ELN: variants seen among roughly 807,000 people sequenced by gnomAD.
ELN encodes elastin.
A neutral mutation model predicts 105.8 loss-of-function variants in ELN; 65 were observed. The observed-to-expected ratio is 0.61, with a 90% confidence interval of 0.50 to 0.75. ELN has a LOEUF of 0.75. Among genes scored for constraint, ELN ranks in the 30% least tolerant of loss-of-function variants. ELN has a pLI of 0.00. For missense variants in ELN, 882 were observed against 969.4 expected (o/e 0.91, Z 1.20); for synonymous variants, 368 against 389.2 (o/e 0.95, Z 0.64).
chr7:74,061,153 A>G lies in ELN; in HGVS notation c.1786+14A>G. ...CAGCCAAATATGGTGAGTGCACCCC[A>G]CAACCACTTGTGGCTCCCTTGCCAC... On this transcript the variant is annotated intron_variant, in intron 26 of 32. Transcript: ENST00000252034. The G allele has an allele frequency of 6.2e-7, 1 of 1,614,088 alleles. No homozygotes were observed. Among genetic ancestry groups the G allele is most frequent in the South Asian group, 1.1e-5 (1 of 91,084 alleles).
intron 22 of ELN, among the ~76,000 whole-genome samples, chr7:74,058,135 TTCC>T (rs1554681544): frequency 6.6e-6 from 1 of 150,838 alleles, no homozygotes; most frequent in African/African-American, 2.4e-5. Context: ...CTTCTTCTCC[TTCC>T]TCTTCTTCTC....
chr7:74,060,320 C>T (rs1796359358), intron 24 of ELN, 56 bp from the exon 25 acceptor site: 6 of 1,614,128 alleles, frequency 3.7e-6, no homozygotes, highest in Non-Finnish European at 5.1e-6. Flanking sequence ...GGGCAGGACA[C>T]CTCCTTAGGG....
At position 74,043,144 on chromosome 7, in the gene ELN, G is replaced by C; in HGVS notation, c.403G>C (p.Gly135Arg). 6.2e-7 allele frequency: 1 copy of C among 1,608,922 alleles called. No individual in the cohort carries two copies. Among genetic ancestry groups the C allele is most frequent in the Non-Finnish European group, 8.5e-7 (1 of 1,177,448 alleles). ...AGAVVPQPGAGVKPGKVPGVG... is the reference protein window; with the variant it reads ...AGAVVPQPGARVKPGKVPGVG... ...TGCGGTGGTTCCTCAGCCTGGAGCC[G>C]GAGTGAAGCCTGGGAAAGTGCCGGG... is the stretch of plus-strand genomic sequence containing the variant. The change falls in exon 8 of 33, where the codon GGA becomes CGA. Residue 135 changes from glycine to arginine, a missense_variant. Transcript: ENST00000252034.
At chr7:74,057,735 C>A (rs539970171) in intron 22 of ELN, 39 bp downstream of exon 22, 29 of 1,607,034 alleles carry the variant, frequency 1.8e-5, no homozygotes, top group Non-Finnish European at 2.4e-5. Flanking sequence ...TCACGGAGAA[C>A]TGCTTTCTCC....
chr7:74,046,677 G>A lies in ELN; in HGVS notation c.572-19G>A, dbSNP rs782109233. On this transcript the variant is annotated intron_variant, in intron 11 of 32. Coordinates refer to ENST00000252034, the MANE Select transcript of ELN (RefSeq NM_000501.4). ...GAAGGGGGTGCTGGGACCTGAACTT[G>A]CTCTCTTTATTCCCACAGGAGTTGG... The A allele has an allele frequency of 1.2e-6, 2 of 1,614,100 alleles. No homozygotes were observed. The highest frequency in any genetic ancestry group is 1.7e-6 in the Non-Finnish European group (2 of 1,179,932).
At chr7:74,030,370 G>A (rs1788394745) in intron 1 of ELN, among the ~76,000 whole-genome samples, 1 of 152,034 alleles carries the variant, frequency 6.6e-6, no homozygotes, top group African/African-American at 2.4e-5. Flanking sequence ...CAGGAGGAGG[G>A]GACAAGCCGC....
At chr7:74,043,265 G>A in intron 8 of ELN, 97 bp downstream of exon 8, 1 of 1,512,336 alleles carries the variant, frequency 6.6e-7, no homozygotes, top group Non-Finnish European at 8.9e-7. Context: ...ACTTGGGGAG[G>A]AAGGGCAGGG....
At chr7:74,065,884 G>A in intron 30 of ELN, 60 bp from the exon 31 acceptor site, 2 of 1,613,500 alleles carry the variant, frequency 1.2e-6, no homozygotes, top group Admixed American at 1.7e-5. Flanking sequence ...ACCCAGCAGG[G>A]ATATCAGGGC....
rs1391075454 is a variant in ELN, at chr7:74,052,264, A to T, written c.949+281A>T. The T allele has an allele frequency of 1.4e-5, 7 of 508,450 alleles. No individual in the cohort carries two copies. The East Asian group carries it at 2.4e-4, about 18-fold the overall frequency. 31.5% of individuals were successfully genotyped at this position (508,450 alleles called of 1,614,324 possible). A position where few individuals can be genotyped will look rare whatever the true frequency, so the allele number is the denominator to read the frequency against. On this transcript the variant is annotated intron_variant, in intron 17 of 32. Coordinates refer to ENST00000252034, the MANE Select transcript of ELN (RefSeq NM_000501.4). ...CCACAGGTGTCTGCTGCATCAACTA[A>T]ATGGGTGCCCAGTGGTGAGAATTCT...
At position 74,046,725 on chromosome 7, in the gene ELN, G is replaced by A; in HGVS notation, c.601G>A (p.Gly201Arg). The change falls in exon 12 of 33, where the codon GGA becomes AGA. Residue 201 changes from glycine (G) to arginine (R), a missense_variant. Gly to Arg is a moderately radical substitution (Grantham distance 125, BLOSUM62 -2). Transcript: ENST00000252034. ...TGGACCCTTTGGGGGACCGCAACCT[G>A]GAGTCCCACTGGGGTATCCCATCAA... ...GVGPFGGPQP[G>R]VPLGYPIKAP... The A allele has an allele frequency of 6.2e-7, 1 of 1,614,206 alleles. No homozygotes were observed. Among genetic ancestry groups the A allele is most frequent in the Non-Finnish European group, 8.5e-7 (1 of 1,180,032 alleles).
chr7:74,060,960 G>A, intron 25 of ELN, 141 bp from the exon 26 acceptor site: 1 of 1,034,988 alleles, frequency 9.7e-7, no homozygotes, highest in Non-Finnish European at 1.5e-6. Flanking sequence ...CAGCCCTAAA[G>A]CTCTGTGCCT....
At chr7:74,056,844 C>T in intron 21 of ELN, 131 bp downstream of exon 21, 1 of 1,176,910 alleles carries the variant, frequency 8.5e-7, no homozygotes, top group Non-Finnish European at 1.2e-6. Flanking sequence ...GGCCCCTGCC[C>T]CATCTTCCAA....
At chr7:74,042,413 G>A (rs1305487263) in intron 5 of ELN, among the ~76,000 whole-genome samples, 1 of 150,526 alleles carries the variant, frequency 6.6e-6, no homozygotes, top group Non-Finnish European at 1.5e-5. Flanking sequence ...GGGTGACAGA[G>A]TGAGACCTTG....
At chr7:74,030,371 G>A (rs1451050965) in intron 1 of ELN, among the ~76,000 whole-genome samples, 1 of 152,022 alleles carries the variant, frequency 6.6e-6, no homozygotes, top group Non-Finnish European at 1.5e-5. Flanking sequence ...AGGAGGAGGG[G>A]ACAAGCCGCA....
intron 21 of ELN, 158 bp from the exon 22 acceptor site, chr7:74,057,482 C>A: frequency 6.4e-7 from 1 of 1,571,144 alleles, no homozygotes; most frequent in Non-Finnish European, 8.6e-7. Context: ...AGCTGTGTCT[C>A]CAGCCCAGAG....
At chr7:74,064,714 C>T (rs1043701718) in intron 29 of ELN, among the ~76,000 whole-genome samples, 2 of 152,212 alleles carry the variant, frequency 1.3e-5, no homozygotes, top group African/African-American at 4.8e-5. Flanking sequence ...TTTCAACCCA[C>T]CTGACCACTG....
At chr7:74,052,182 G>C (rs1048925592) in intron 17 of ELN, 199 bp downstream of exon 17, 2 of 648,368 alleles carry the variant, frequency 3.1e-6, no homozygotes, top group Non-Finnish European at 5.3e-6. Flanking sequence ...TCAGCAGAGG[G>C]AGGGGACCCT....
Position 74,045,235 on chromosome 7 carries a change from C to T in ELN, c.483C>T (p.Pro161=), listed in dbSNP as rs150690195. 132 of 1,614,114 alleles carry T rather than the reference C, an allele frequency of 8.2e-5. No homozygotes were observed. Among genetic ancestry groups the T allele is most frequent in the Admixed American group, 1.8e-4 (11 of 60,028 alleles). The change falls in exon 10 of 33, where the codon CCC becomes CCT. Residue 161 remains proline (P), a synonymous_variant. Transcript: ENST00000252034. ...GTCCCCCGGCAGGAGCTCGGTTCCC[C>T]GGTGTGGGGGTGCTCCCTGGAGTTC... ...PGGVLPGARF[P]GVGVLPGVPT...
At chr7:74,067,103 T>A (rs1798119699) in intron 32 of ELN, among the ~76,000 whole-genome samples, 1 of 151,984 alleles carries the variant, frequency 6.6e-6, no homozygotes, top group Non-Finnish European at 1.5e-5. Flanking sequence ...CTGGCCAACA[T>A]GGCGAAACCC....
Sources: gnomAD v4.1 joint callset for allele counts (sites outside exome capture counted in the v4.1 genomes callset) on GRCh38, gnomAD v4.1.1 for gene constraint, MANE v1.5 for transcripts, NCBI Gene and HGNC (gene_info 2026-07-23, HGNC 2026-07-21) for gene names.